Variants in SLC11A2 observed in about 807,000 individuals in gnomAD.
SLC11A2 encodes solute carrier family 11 member 2, also known as natural resistance-associated macrophage protein 2.
Under a neutral mutation model 68.0 loss-of-function variants are expected in SLC11A2, and 38 were observed. The ratio of observed to expected loss-of-function variants is 0.56; its 90% confidence interval spans 0.43 to 0.73. The LOEUF (loss-of-function observed/expected upper bound fraction) is 0.73, where lower values mean the gene tolerates loss of function less well. Ranked by LOEUF, SLC11A2 falls within the 30% of genes least tolerant of loss-of-function variation. The pLI is 0.00. For synonymous variants in SLC11A2, 242 were observed against 250.6 expected, an observed-to-expected ratio of 0.97 and a Z score of 0.32; for missense variants, 517 against 690.5, an observed-to-expected ratio of 0.75 and a Z score of 2.82.
downstream of SLC11A2, among the ~76,000 whole-genome samples, chr12:50,978,977 T>C (rs950078265): frequency 5.3e-5 from 8 of 152,206 alleles, no homozygotes; most frequent in Non-Finnish European, 2.9e-5. Context: ...CAGTAACAAT[T>C]AGGTAATTGC....
At chr12:51,010,806 C>A in intron 1 of SLC11A2, 40 bp from the exon 2 acceptor site, 1 of 1,151,374 alleles carries the variant, frequency 8.7e-7, no homozygotes, top group Non-Finnish European at 1.3e-6. Context: ...TTAGGAAGAA[C>A]AAACTAACAA....
intron 1 of SLC11A2, among the ~76,000 whole-genome samples, chr12:51,017,976 G>C (rs1943776384): frequency 6.6e-6 from 1 of 152,104 alleles, no homozygotes; most frequent in Non-Finnish European, 1.5e-5. Context: ...TGAAAATTAA[G>C]TTACCCCCCA....
intron 5 of SLC11A2, among the ~76,000 whole-genome samples, chr12:51,004,433 T>C (rs1022985367): frequency 3.0e-4 from 46 of 152,132 alleles, no homozygotes; most frequent in Non-Finnish European, 5.6e-4. Context: ...AGAACATATA[T>C]AAAATGCAAA....
Position 50,987,252 on chromosome 12 carries a change from C to T in SLC11A2, c.*1073G>A. ...AACTTTGCAACCATACTAACACCTA[C>T]TGACTTGCAGAGAACGCTGAGAAAG... On this transcript the variant is annotated 3_prime_UTR_variant, in exon 16 of 16. Transcript: ENST00000262052. 2 of 1,287,256 alleles carry T rather than the reference C, an allele frequency of 1.6e-6. No homozygotes were observed. Among genetic ancestry groups the T allele is most frequent in the Non-Finnish European group, 2.0e-6 (2 of 988,704 alleles). 79.7% of individuals were successfully genotyped at this position (1,287,256 alleles called of 1,614,324 possible).
chr12:50,972,697 G>A, the SLC11A2 span, among the ~76,000 whole-genome samples: 9 of 152,272 alleles, frequency 5.9e-5, no homozygotes, highest in Non-Finnish European at 8.8e-5. Context: ...GCGAGGCATC[G>A]CCTCACCCGG....
At chr12:50,952,539 C>T in the SLC11A2 span, among the ~76,000 whole-genome samples, 7 of 152,290 alleles carry the variant, frequency 4.6e-5, no homozygotes, top group African/African-American at 1.2e-4. Context: ...GCAAAGGCCA[C>T]GTCCACCACC....
the SLC11A2 span, among the ~76,000 whole-genome samples, chr12:50,956,022 A>G: frequency 6.6e-6 from 1 of 152,216 alleles, no homozygotes; most frequent in South Asian, 2.1e-4. Context: ...AAGAAACAAA[A>G]CCAATTTAAG....
the SLC11A2 span, among the ~76,000 whole-genome samples, chr12:50,952,685 G>A: frequency 2.1e-3 from 321 of 152,308 alleles, 3 homozygotes; most frequent in Middle Eastern, 0.014. Context: ...AGGCTTTGCA[G>A]GAGGCGCACC....
chr12:51,014,101 C>A (rs1266331559), intron 1 of SLC11A2: 1 of 152,278 alleles, frequency 6.6e-6, no homozygotes, highest in Non-Finnish European at 1.5e-5. Flanking sequence ...GGATTACAGG[C>A]ATGAGCCACT....
chr12:51,009,096 C>T, intron 2 of SLC11A2: 1 of 1,345,964 alleles, frequency 7.4e-7, no homozygotes, highest in East Asian at 2.5e-5. Flanking sequence ...CTCCCCACCT[C>T]CTATATTTGG....
chr12:50,980,844 C>T (rs1435808651), downstream of SLC11A2: 1 of 152,214 alleles, frequency 6.6e-6, no homozygotes, highest in Non-Finnish European at 1.5e-5. Context: ...AATATCTTCA[C>T]TATCTTATGT....
chr12:50,958,304 C>T, the SLC11A2 span, among the ~76,000 whole-genome samples: 8 of 135,756 alleles, frequency 5.9e-5, no homozygotes, highest in East Asian at 2.1e-4. Flanking sequence ...TTTTTTTAGA[C>T]GGAGTCTTGC....
chr12:50,992,012 C>T (rs1261771333), intron 13 of SLC11A2, among the ~76,000 whole-genome samples, 178 bp downstream of exon 13: 1 of 152,086 alleles, frequency 6.6e-6, no homozygotes, highest in Non-Finnish European at 1.5e-5. Flanking sequence ...TTTAAAAAAC[C>T]AACCATTTCT....
chr12:50,970,107 G>A, the SLC11A2 span, among the ~76,000 whole-genome samples: 1 of 152,180 alleles, frequency 6.6e-6, no homozygotes, highest in African/African-American at 2.4e-5. Context: ...AGTACAAGTA[G>A]AGACTGAATA....
chr12:51,008,502 C>T lies in SLC11A2; in HGVS notation c.157G>A (p.Glu53Lys). The change falls in exon 3 of 16, where the codon GAG (glutamate) becomes AAG (lysine). Residue 53 changes from glutamate (E) to lysine (K), a missense_variant. Physicochemically the swap from Glu to Lys is moderately conservative, Grantham distance 56. Transcript: ENST00000262052. ...TCCTCCTCAGGAATGGAGATCTTCT[C>T]ATTAAAGTAAGTGGCGAAGTACTCC... ...SEEYFATYFN[E>K]KISIPEEEYS... The T allele has an allele frequency of 1.2e-6, 2 of 1,613,520 alleles. No individual in the cohort carries two copies. The highest frequency in any genetic ancestry group is 2.2e-5 in the South Asian group (2 of 91,058).
At chr12:50,959,656 T>C in the SLC11A2 span, among the ~76,000 whole-genome samples, 4 of 152,166 alleles carry the variant, frequency 2.6e-5, no homozygotes, top group African/African-American at 9.7e-5. Flanking sequence ...TTGTTTGTTT[T>C]TTGTTTTTTA....
intron 12 of SLC11A2, 103 bp from the exon 13 acceptor site, chr12:50,992,442 C>A: frequency 1.8e-6 from 2 of 1,095,582 alleles, no homozygotes; most frequent in East Asian, 2.5e-5. Context: ...TAAGAAGTGA[C>A]AAAAGGGGCC....
At chr12:50,995,178 G>A in intron 10 of SLC11A2, 2 of 239,928 alleles carry the variant, frequency 8.3e-6, no homozygotes, top group South Asian at 1.1e-4. Flanking sequence ...TGGGTGTGGT[G>A]GCAGGCACCT....
the SLC11A2 span, among the ~76,000 whole-genome samples, chr12:50,962,147 A>T: frequency 6.6e-6 from 1 of 152,288 alleles, no homozygotes; most frequent in Non-Finnish European, 1.5e-5. Context: ...CCACTTTGGG[A>T]TGCCGAGGCG....
Sources: allele counts gnomAD v4.1 joint callset (sites outside exome capture counted in the v4.1 genomes callset), GRCh38; gene constraint gnomAD v4.1.1; transcripts MANE v1.5; gene names NCBI Gene and HGNC (gene_info 2026-07-23, HGNC 2026-07-21).